The following BMI1 variants were observed in gnomAD, a reference collection of about 807,000 sequenced individuals.
BMI1 encodes BMI1 proto-oncogene, polycomb ring finger, also known as polycomb complex protein BMI-1.
A neutral mutation model predicts 39.1 loss-of-function variants in BMI1; 9 were observed. That is an observed-to-expected ratio of 0.23 (90% CI 0.14 to 0.40). The LOEUF (loss-of-function observed/expected upper bound fraction) is 0.40. Among genes scored for constraint, BMI1 ranks in the 10% least tolerant of loss-of-function variants. The pLI, the probability that BMI1 is intolerant of heterozygous loss-of-function variation, is 1.00. For synonymous variants in BMI1, 131 were observed against 127.9 expected (o/e 1.02, Z -0.16); for missense variants, 252 against 390.8 (o/e 0.64, Z 2.99).
At chr10:22,325,656 C>T (rs1004978490) in intron 1 of BMI1, 1 of 148,046 alleles carries the variant, frequency 6.8e-6, no homozygotes, top group Non-Finnish European at 1.5e-5. Flanking sequence ...CCGCCCCGCA[C>T]GCCCGCCGAG....
At chr10:22,322,217 T>G (rs1376102376) in intron 1 of BMI1, 2 of 152,046 alleles carry the variant, frequency 1.3e-5, no homozygotes, top group Non-Finnish European at 2.9e-5. Context: ...CGGGAGCTGC[T>G]TGGGTCAAGT....
chr10:22,321,764 C>A (rs1350877846), intron 1 of BMI1, 68 bp downstream of exon 1: 1 of 146,140 alleles, frequency 6.8e-6, no homozygotes, highest in African/African-American at 2.5e-5. Context: ...GGGCTCGGGG[C>A]GGCCGCGGGT....
intron 1 of BMI1, among the ~76,000 whole-genome samples, chr10:22,323,795 A>G (rs1045485740): frequency 2.6e-5 from 4 of 152,166 alleles, no homozygotes; most frequent in Admixed American, 6.5e-5. Flanking sequence ...CTTAACTGGC[A>G]GTTTCTGGGT....
At position 22,329,590 on chromosome 10, in the gene BMI1, G is replaced by T; in HGVS notation, c.*48G>T. 1 of 1,574,702 alleles carries T rather than the reference G, an allele frequency of 6.4e-7. No individual in the cohort carries two copies. The highest frequency in any genetic ancestry group is 8.6e-7 in the Non-Finnish European group (1 of 1,158,848). On this transcript the variant is annotated 3_prime_UTR_variant, in exon 10 of 10. Transcript: ENST00000376663. Reference sequence around the variant, plus strand: ...AAATTTTAAACCCCTGATTTATATAGATATCTTCATGCCATTACAGCTTTC... The same window carrying T: ...AAATTTTAAACCCCTGATTTATATATATATCTTCATGCCATTACAGCTTTC...
intron 1 of BMI1, chr10:22,322,162 T>C (rs988241112): frequency 6.6e-6 from 1 of 151,434 alleles, no homozygotes; most frequent in Non-Finnish European, 1.5e-5. Flanking sequence ...CAGCGCCCTT[T>C]GTTGAGAGGT....
chr10:22,328,653 A>G lies in BMI1; in HGVS notation c.525A>G (p.Leu175=). Residue 175 remains leucine (L), a synonymous_variant, in exon 8 of 10, where the codon TTA becomes TTG. Coordinates refer to ENST00000376663, the MANE Select transcript of BMI1 (RefSeq NM_005180.9). The stretch of plus-strand genomic sequence containing the variant: ...CAGCAGCAATGACTGTGATGCACTT[A>G]AGAAAGTTTCTCAGAAGTAAAATGG... The part of the protein sequence containing the change: ...RCPAAMTVMH[L]RKFLRSKMDI... 2 of 1,607,432 alleles carry G rather than the reference A, an allele frequency of 1.2e-6. No homozygotes were observed.
Position 22,328,046 on chromosome 10 carries a change from T to C in BMI1, c.413T>C (p.Phe138Ser), listed in dbSNP as rs757522660. ...ATAATAAGCTTATCCATTGAATTCTTTGACCAGAACAGGTAAAATCTTTAG... is the reference window on the plus strand; with the variant it reads ...ATAATAAGCTTATCCATTGAATTCTCTGACCAGAACAGGTAAAATCTTTAG... The part of the protein sequence containing the change: ...DEIISLSIEF[F>S]DQNRLDRKVN... Residue 138 changes from phenylalanine (F) to serine (S), a missense_variant, in exon 6 of 10, where the codon TTT becomes TCT. Transcript: ENST00000376663. 6.2e-7 allele frequency: 1 copy of C among 1,605,974 alleles called. No individual in the cohort carries two copies. The highest frequency in any genetic ancestry group is 1.3e-5 in the African/African-American group (1 of 74,410).
intron 1 of BMI1, chr10:22,322,079 T>G (rs1163287501): frequency 6.6e-6 from 1 of 150,932 alleles, no homozygotes; most frequent in Non-Finnish European, 1.5e-5. Flanking sequence ...CGGGCGCCCC[T>G]CCGCACCCTC....
chr10:22,326,695 C>G (rs978780854), intron 2 of BMI1, 134 bp downstream of exon 2: 39 of 1,401,548 alleles, frequency 2.8e-5, no homozygotes, highest in Admixed American at 2.5e-5. Flanking sequence ...TCTTCTCTTG[C>G]ATCTAATGAC....
chr10:22,324,536 T>A (rs1836083944), intron 1 of BMI1, among the ~76,000 whole-genome samples: 1 of 152,256 alleles, frequency 6.6e-6, no homozygotes, highest in Non-Finnish European at 1.5e-5. Flanking sequence ...GGTCGCCAGT[T>A]GCCACTGTGG....
intron 1 of BMI1, 151 bp from the exon 2 acceptor site, chr10:22,326,280 G>A: frequency 9.6e-7 from 1 of 1,045,684 alleles, no homozygotes; most frequent in Non-Finnish European, 1.3e-6. Context: ...ATTCCGATCT[G>A]ATGAGTAAAT....
chr10:22,328,524 A>G, intron 7 of BMI1, 76 bp from the exon 8 acceptor site: 1 of 1,473,360 alleles, frequency 6.8e-7, no homozygotes, highest in Non-Finnish European at 9.1e-7. Flanking sequence ...TATCTTTTAT[A>G]TTCAAGCAAT....
At chr10:22,327,075 A>G in intron 3 of BMI1, 89 bp downstream of exon 3, 2 of 1,445,936 alleles carry the variant, frequency 1.4e-6, no homozygotes, top group South Asian at 2.4e-5. Flanking sequence ...TTCACAGAAA[A>G]TTTACTCTTG....
At position 22,327,505 on chromosome 10, in the gene BMI1, T is replaced by C. The variant is rs536353146; in HGVS notation, c.210-90T>C. 345 of 1,303,064 alleles carry C rather than the reference T, an allele frequency of 2.6e-4. No individual in the cohort carries two copies. In the Middle Eastern group the frequency reaches 3.6e-3, roughly 14 times the overall value. The allele number at this position is 1,303,064 out of a possible 1,614,324, so 80.7% of individuals were successfully genotyped here. A position where few individuals can be genotyped will look rare whatever the true frequency, so the allele number is the denominator to read the frequency against. On this transcript the variant is annotated intron_variant, in intron 3 of 9. Transcript: ENST00000376663. ...GACAGCATCACAATCAAGTAAAATA[T>C]TATAGCACAAAAGAAGACTATAGAA... is the stretch of plus-strand genomic sequence containing the variant.
rs1049916722 is a variant in BMI1 at position 22,330,284 on chromosome 10, A to G, written c.*742A>G. 6.5e-6 allele frequency: 1 copy of G among 152,780 alleles called. No homozygotes were observed. The highest frequency in any genetic ancestry group is 2.1e-4 in the South Asian group (1 of 4,832). The allele number at this position is 152,780 out of a possible 1,614,324, so 9.5% of individuals were successfully genotyped here. Reference sequence around the variant, plus strand: ...AACAGTATTGTATGATATATTTATAAATGCTATAAAGAAATATTGTGTTTC... The same window carrying G: ...AACAGTATTGTATGATATATTTATAGATGCTATAAAGAAATATTGTGTTTC... On this transcript the variant is annotated 3_prime_UTR_variant, in exon 10 of 10. Transcript: ENST00000376663.
Position 22,329,406 on chromosome 10 carries a change from C to G in BMI1, c.845C>G (p.Pro282Arg), listed in dbSNP as rs1419820839. ...LPSPSTPVQS[P>R]HPQFPHISST... ...AGCCCCAGTACTCCAGTGCAGTCTC[C>G]TCATCCACAGTTTCCTCACATTTCC... is the stretch of plus-strand genomic sequence containing the variant. Residue 282 changes from proline (P) to arginine (R), a missense_variant, in exon 10 of 10, where the codon CCT becomes CGT. Transcript: ENST00000376663. The G allele has an allele frequency of 1.9e-6, 3 of 1,614,194 alleles. No individual in the cohort carries two copies. Among genetic ancestry groups the G allele is most frequent in the Non-Finnish European group, 2.5e-6 (3 of 1,180,024 alleles).
At position 22,327,027 on chromosome 10, in the gene BMI1, G is replaced by C. The variant is rs768894358; in HGVS notation, c.209+41G>C. 3 of 1,598,530 alleles carry C rather than the reference G, an allele frequency of 1.9e-6. No homozygotes were observed. The South Asian group carries it at 3.4e-5, about 18-fold the overall frequency. On this transcript the variant is annotated intron_variant, in intron 3 of 9. Transcript: ENST00000376663. The stretch of plus-strand genomic sequence containing the variant: ...AATTCCTTGTTTGTAATTATTATTG[G>C]AGTTGTATAATTTACTGAAGGCAAC...
rs747489185 is a variant in BMI1 at position 22,329,036 on chromosome 10, A to G, written c.571-12A>G. The G allele has an allele frequency of 1.3e-5, 21 of 1,581,852 alleles. No individual in the cohort carries two copies. The East Asian group carries it at 3.4e-4, about 25-fold the overall frequency. ...TGTTCTTTTATTACTTAATAAAAAT[A>G]TTTTTCACTAGATTGATGTCATGTA... On this transcript the variant is annotated splice_polypyrimidine_tract_variant and intron_variant, in intron 8 of 9. Transcript: ENST00000376663.
chr10:22,328,990 CA>C, intron 8 of BMI1, 57 bp from the exon 9 acceptor site: 1 of 1,490,768 alleles, frequency 6.7e-7, no homozygotes, highest in East Asian at 2.3e-5. Context: ...ATTTAAATGA[CA>C]AAAAATGTAC....
Sources: allele counts gnomAD v4.1 joint callset (sites outside exome capture counted in the v4.1 genomes callset), GRCh38; gene constraint gnomAD v4.1.1; transcripts MANE v1.5; gene names NCBI Gene and HGNC (gene_info 2026-07-23, HGNC 2026-07-21).